Variants in RIMS2 observed in about 807,000 individuals in gnomAD.
RIMS2 encodes the protein regulating synaptic membrane exocytosis 2.
RIMS2 carries 59 observed loss-of-function variants against 174.4 expected under a neutral mutation model. That is an observed-to-expected ratio of 0.34 (90% CI 0.27 to 0.42). The LOEUF is 0.42. RIMS2 is among the 10% of genes least tolerant of loss of function. RIMS2 has a pLI of 1.00. For missense variants in RIMS2, 1,620 were observed against 1,666.3 expected, an observed-to-expected ratio of 0.97 and a Z score of 0.48; for synonymous variants, 606 against 572.5, an observed-to-expected ratio of 1.06 and a Z score of -0.84.
chr8:103,746,192 T>A (rs2097810617), intron 2 of RIMS2, among the ~76,000 whole-genome samples: 1 of 152,246 alleles, frequency 6.6e-6, no homozygotes, highest in African/African-American at 2.4e-5. Flanking sequence ...CAGTGCCATT[T>A]ATTGAAAAGA....
chr8:103,583,341 A>G (rs1025493093), intron 1 of RIMS2, among the ~76,000 whole-genome samples: 2 of 152,174 alleles, frequency 1.3e-5, no homozygotes, highest in Non-Finnish European at 2.9e-5. Flanking sequence ...GATAGTGTAT[A>G]CTACCATAAA....
At chr8:103,541,624 T>C (rs1842632518) in intron 1 of RIMS2, among the ~76,000 whole-genome samples, 1 of 152,202 alleles carries the variant, frequency 6.6e-6, no homozygotes, top group African/African-American at 2.4e-5. Context: ...TAAAACTCAC[T>C]GGTAAAAGTA....
chr8:103,715,310 T>G (rs1458572955), intron 2 of RIMS2, among the ~76,000 whole-genome samples: 2 of 152,172 alleles, frequency 1.3e-5, no homozygotes, highest in Non-Finnish European at 1.5e-5. Flanking sequence ...CCTGATGCTT[T>G]ACGTCCCCAA....
intron 1 of RIMS2, among the ~76,000 whole-genome samples, chr8:103,574,516 A>G (rs943014929): frequency 6.6e-6 from 1 of 152,148 alleles, no homozygotes; most frequent in Non-Finnish European, 1.5e-5. Context: ...TCTTCACTTT[A>G]TTCCTCTGAT....
At chr8:104,006,133 C>G (rs1280363723) in intron 17 of RIMS2, among the ~76,000 whole-genome samples, 2 of 152,096 alleles carry the variant, frequency 1.3e-5, no homozygotes, top group Non-Finnish European at 2.9e-5. Context: ...ACATTTCTGA[C>G]TCTAGCCTAT....
At chr8:103,887,856 CAT>C (rs1204766162) in intron 4 of RIMS2, among the ~76,000 whole-genome samples, 1 of 151,458 alleles carries the variant, frequency 6.6e-6, no homozygotes, top group Non-Finnish European at 1.5e-5. Context: ...TACTGAGTAA[CAT>C]AAGGAAGATG....
chr8:103,781,185 A>G (rs2098384609), intron 3 of RIMS2, among the ~76,000 whole-genome samples: 1 of 152,138 alleles, frequency 6.6e-6, no homozygotes, highest in Non-Finnish European at 1.5e-5. Flanking sequence ...ACTGAGATCC[A>G]GTGTAGAAAC....
intron 16 of RIMS2, among the ~76,000 whole-genome samples, chr8:103,985,725 G>C (rs1275297718): frequency 6.6e-6 from 1 of 151,992 alleles, no homozygotes; most frequent in Non-Finnish European, 1.5e-5. Context: ...GAATGAAACT[G>C]TCATCAACAG....
chr8:104,035,429 A>G (rs985266504), intron 19 of RIMS2, among the ~76,000 whole-genome samples: 4 of 151,592 alleles, frequency 2.6e-5, no homozygotes, highest in African/African-American at 9.7e-5. Context: ...TAATTAATAT[A>G]TTAATCTTTA....
intron 19 of RIMS2, among the ~76,000 whole-genome samples, chr8:104,231,371 T>G (rs1233495465): frequency 1.3e-5 from 2 of 152,182 alleles, no homozygotes; most frequent in African/African-American, 4.8e-5. Flanking sequence ...TTTTTATGGT[T>G]TAGCATCCCC....
chr8:103,751,709 AT>A (rs1440821222), intron 2 of RIMS2, among the ~76,000 whole-genome samples: 1 of 150,882 alleles, frequency 6.6e-6, no homozygotes. Flanking sequence ...GATGGTGAGC[AT>A]TTTTTCATGT....
intron 3 of RIMS2, among the ~76,000 whole-genome samples, chr8:103,811,619 C>T (rs1311230881): frequency 6.6e-6 from 1 of 151,894 alleles, no homozygotes; most frequent in Non-Finnish European, 1.5e-5. Context: ...TAATTTTTTG[C>T]ATTTTTAATA....
At chr8:103,531,224 C>T (rs1836931218) in intron 1 of RIMS2, among the ~76,000 whole-genome samples, 1 of 151,964 alleles carries the variant, frequency 6.6e-6, no homozygotes, top group Non-Finnish European at 1.5e-5. Context: ...ATATTCTTTT[C>T]AAGGACACAT....
intron 17 of RIMS2, chr8:103,998,357 T>C (rs2095233785): frequency 6.8e-6 from 4 of 587,630 alleles, no homozygotes; most frequent in Middle Eastern, 2.7e-4. Flanking sequence ...CATATATGGT[T>C]GTTAATGAAA....
chr8:103,509,983 T>A (rs1825685432), intron 1 of RIMS2, among the ~76,000 whole-genome samples: 1 of 152,166 alleles, frequency 6.6e-6, no homozygotes, highest in South Asian at 2.1e-4. Context: ...CATTTAGTAT[T>A]TTTATATAAT....
intron 15 of RIMS2, among the ~76,000 whole-genome samples, chr8:103,968,033 G>A (rs1433260829): frequency 6.6e-6 from 1 of 151,758 alleles, no homozygotes; most frequent in Non-Finnish European, 1.5e-5. Flanking sequence ...GCTAATTTTT[G>A]TATTTTTAGT....
At chr8:103,545,126 T>G (rs1844401252) in intron 1 of RIMS2, among the ~76,000 whole-genome samples, 1 of 151,882 alleles carries the variant, frequency 6.6e-6, no homozygotes, top group African/African-American at 2.4e-5. Flanking sequence ...TGAAACTCAA[T>G]CCAAAGAATC....
intron 3 of RIMS2, among the ~76,000 whole-genome samples, chr8:103,871,429 T>A (rs1461123213): frequency 6.6e-6 from 1 of 152,184 alleles, no homozygotes; most frequent in East Asian, 1.9e-4. Flanking sequence ...GGACTTTGTA[T>A]AATATAAAAA....
At chr8:104,222,108 T>G (rs2138554976) in intron 19 of RIMS2, among the ~76,000 whole-genome samples, 1 of 152,320 alleles carries the variant, frequency 6.6e-6, no homozygotes, top group East Asian at 1.9e-4. Flanking sequence ...CCCTGACAAC[T>G]CTTTTTGAAT....
Sources: gnomAD v4.1 joint callset for allele counts (sites outside exome capture counted in the v4.1 genomes callset) on GRCh38, gnomAD v4.1.1 for gene constraint, MANE v1.5 for transcripts, NCBI Gene and HGNC (gene_info 2026-07-23, HGNC 2026-07-21) for gene names.